Variants in SORCS1 observed in about 807,000 individuals in gnomAD.
SORCS1 encodes sortilin related VPS10 domain containing receptor 1.
SORCS1 carries 60 observed loss-of-function variants against 146.1 expected under a neutral mutation model. That is an observed-to-expected ratio of 0.41 (90% CI 0.33 to 0.51). The LOEUF (loss-of-function observed/expected upper bound fraction) is 0.51, where lower values mean the gene tolerates loss of function less well. SORCS1 is among the 20% of genes least tolerant of loss of function. The pLI, the probability that SORCS1 is intolerant of heterozygous loss-of-function variation, is 0.21. For missense variants in SORCS1, 1,352 were observed against 1,487.6 expected (o/e 0.91, Z 1.50); for synonymous variants, 637 against 584.0 (o/e 1.09, Z -1.31).
intron 1 of SORCS1, among the ~76,000 whole-genome samples, chr10:107,014,081 C>T (rs189659162): frequency 6.6e-6 from 1 of 151,974 alleles, no homozygotes; most frequent in Non-Finnish European, 1.5e-5. Context: ...GGTGAAACCC[C>T]GTCTCTACTA....
Position 106,776,683 on chromosome 10 carries a change from G to T in SORCS1, c.736C>A (p.Leu246Ile). 6.2e-7 allele frequency: 1 copy of T among 1,611,286 alleles called. No homozygotes were observed. The highest frequency in any genetic ancestry group is 8.5e-7 in the Non-Finnish European group (1 of 1,178,038). The change falls in exon 4 of 26, where the codon CTC (leucine) becomes ATC (isoleucine). Residue 246 changes from leucine (L) to isoleucine (I), a missense_variant. Leu to Ile is a conservative substitution (Grantham distance 5, BLOSUM62 2). Coordinates refer to ENST00000263054, the MANE Select transcript of SORCS1 (RefSeq NM_052918.5). ...CTGCTCTCAATCTCCGGGTCTGTGA[G>T]TAACATTATCTGCAGCAAAGAATTG... Reference protein sequence around the residue: ...CPTNKRKIMLLTDPEIESSLL... With the variant: ...CPTNKRKIMLITDPEIESSLL...
At chr10:106,683,638 C>T (rs1203688019) in intron 10 of SORCS1, among the ~76,000 whole-genome samples, 1 of 152,222 alleles carries the variant, frequency 6.6e-6, no homozygotes, top group Non-Finnish European at 1.5e-5. Flanking sequence ...TCTTTCTCCT[C>T]AGCCTCTGTA....
At chr10:106,786,700 G>A (rs1307504049) in intron 3 of SORCS1, among the ~76,000 whole-genome samples, 4 of 151,872 alleles carry the variant, frequency 2.6e-5, no homozygotes, top group African/African-American at 9.7e-5. Flanking sequence ...ACACACAGAA[G>A]CAAGCCATAT....
At chr10:106,784,429 A>G (rs4917486) in intron 3 of SORCS1, among the ~76,000 whole-genome samples, 36,190 of 151,336 alleles carry the variant, frequency 0.24, 4,682 homozygotes, top group Non-Finnish European at 0.29. Flanking sequence ...GGTATTTCAG[A>G]GGGAAATAAT....
At chr10:106,774,898 T>G (rs981433763) in intron 4 of SORCS1, among the ~76,000 whole-genome samples, 2 of 152,186 alleles carry the variant, frequency 1.3e-5, no homozygotes, top group Admixed American at 1.3e-4. Flanking sequence ...TTAAATCACT[T>G]TGGAAGGGTA....
intron 1 of SORCS1, among the ~76,000 whole-genome samples, chr10:107,003,881 A>C (rs1957321034): frequency 6.6e-6 from 1 of 152,154 alleles, no homozygotes; most frequent in South Asian, 2.1e-4. Context: ...TCCCTTTTTA[A>C]AGCAGAGAAT....
chr10:106,838,995 C>T (rs1216082990), intron 2 of SORCS1, among the ~76,000 whole-genome samples: 1 of 152,142 alleles, frequency 6.6e-6, no homozygotes, highest in Non-Finnish European at 1.5e-5. Flanking sequence ...ACTGCTCCAA[C>T]AACCAGCTAT....
At chr10:107,105,494 G>T (rs559410451) in intron 1 of SORCS1, among the ~76,000 whole-genome samples, 1 of 152,294 alleles carries the variant, frequency 6.6e-6, no homozygotes, top group Admixed American at 6.5e-5. Context: ...TCGAGAAGCC[G>T]ACAGTGCAGC....
At chr10:106,585,741 C>T (rs1589666467) in intron 24 of SORCS1, among the ~76,000 whole-genome samples, 1 of 152,352 alleles carries the variant, frequency 6.6e-6, no homozygotes, top group African/African-American at 2.4e-5. Context: ...CAATGGTGTG[C>T]TAATTGTGAA....
At chr10:106,992,536 A>C (rs1349992503) in intron 1 of SORCS1, among the ~76,000 whole-genome samples, 1 of 151,954 alleles carries the variant, frequency 6.6e-6, no homozygotes, top group Non-Finnish European at 1.5e-5. Flanking sequence ...CTGTTGCCCA[A>C]GGTACTGGAG....
intron 1 of SORCS1, among the ~76,000 whole-genome samples, chr10:107,143,005 C>A (rs1372332654): frequency 6.6e-6 from 1 of 152,166 alleles, no homozygotes; most frequent in Non-Finnish European, 1.5e-5. Flanking sequence ...ATATAACAGA[C>A]AAAGGATATC....
chr10:106,948,681 C>T (rs932957726), intron 2 of SORCS1, among the ~76,000 whole-genome samples: 1 of 151,562 alleles, frequency 6.6e-6, no homozygotes, highest in South Asian at 2.1e-4. Flanking sequence ...AACTGTAGGC[C>T]GGGCGCAGTG....
intron 3 of SORCS1, among the ~76,000 whole-genome samples, chr10:106,781,748 A>G (rs953081942): frequency 2.6e-5 from 4 of 152,214 alleles, no homozygotes; most frequent in Admixed American, 2.0e-4. Context: ...TATCCTTCCC[A>G]GATGAGCTGA....
Position 106,829,644 on chromosome 10 carries a change from T to C in SORCS1, c.656A>G (p.Lys219Arg). 1.2e-6 allele frequency: 2 copies of C among 1,607,466 alleles called. No homozygotes were observed. Among genetic ancestry groups the C allele is most frequent in the Middle Eastern group, 1.7e-4 (1 of 6,040 alleles). Residue 219 changes from lysine to arginine, a missense_variant, in exon 3 of 26, where the codon AAG (lysine) becomes AGG (arginine). Around this residue, in one of 3 missense-constraint regions of SORCS1, gnomAD observed 490 missense variants for 489.1 expected, o/e 1.00. Coordinates refer to ENST00000263054, the MANE Select transcript of SORCS1 (RefSeq NM_052918.5). The part of the protein sequence containing the change: ...RSTDYGTTYE[K>R]LNDKVGLKTI... ...TTTCAAACCAACTTTATCATTCAGC[T>C]TCTCATAGGTTGTTCCATAATCGGT...
intron 3 of SORCS1, among the ~76,000 whole-genome samples, chr10:106,794,623 C>G (rs1186901281): frequency 1.3e-5 from 2 of 151,074 alleles, no homozygotes; most frequent in Non-Finnish European, 2.9e-5. Flanking sequence ...CTGCCTCAGT[C>G]TCCCGAGTAG....
chr10:106,862,911 G>A (rs1687367825), intron 2 of SORCS1, among the ~76,000 whole-genome samples: 1 of 151,166 alleles, frequency 6.6e-6, no homozygotes, highest in African/African-American at 2.4e-5. Context: ...CAGGTTTTCT[G>A]ATTCTCATGG....
intron 2 of SORCS1, among the ~76,000 whole-genome samples, chr10:106,882,942 G>T (rs1362448288): frequency 2.0e-5 from 3 of 152,096 alleles, no homozygotes; most frequent in Admixed American, 2.0e-4. Context: ...ATAGAATCAG[G>T]TTCCATTCTG....
chr10:106,589,701 A>T (rs943620000), intron 24 of SORCS1, among the ~76,000 whole-genome samples: 11 of 151,264 alleles, frequency 7.3e-5, no homozygotes, highest in Middle Eastern at 3.5e-3. Flanking sequence ...GACGACGAAA[A>T]AAAAAAAAAA....
intron 4 of SORCS1, among the ~76,000 whole-genome samples, chr10:106,772,945 A>C (rs1443408848): frequency 1.3e-5 from 2 of 152,156 alleles, no homozygotes; most frequent in East Asian, 3.9e-4. Context: ...GAGAAAAAGC[A>C]ATGTCAGGGA....
Sources: gnomAD v4.1 joint callset for allele counts (sites outside exome capture counted in the v4.1 genomes callset) on GRCh38, gnomAD v4.1.1 for gene constraint, gnomAD v4.1.1 regional missense constraint, MANE v1.5 for transcripts, NCBI Gene and HGNC (gene_info 2026-07-23, HGNC 2026-07-21) for gene names.